Variants in GUK1 observed in about 807,000 individuals in gnomAD.
GUK1 encodes guanylate kinase 1.
In GUK1, 18 loss-of-function variants were observed where a neutral mutation model predicts 25.2. That is an observed-to-expected ratio of 0.71 (90% CI 0.49 to 1.06). GUK1 has a LOEUF of 1.06. GUK1 is among the 50% of genes least tolerant of loss of function. The pLI, the probability that GUK1 is intolerant of heterozygous loss-of-function variation, is 0.00. For missense variants in GUK1, 261 were observed against 276.7 expected, an observed-to-expected ratio of 0.94 and a Z score of 0.40; for synonymous variants, 105 against 117.6, an observed-to-expected ratio of 0.89 and a Z score of 0.69.
chr1:228,141,306 T>TCC, intron 2 of GUK1: 1 of 968,138 alleles, frequency 1.0e-6, no homozygotes, highest in Non-Finnish European at 1.2e-6. Context: ...AATGTTCCTG[T>TCC]CCCCCCCGGG....
At chr1:228,148,128 C>G (rs1358560401) in intron 7 of GUK1, 1 of 617,984 alleles carries the variant, frequency 1.6e-6, no homozygotes, top group African/African-American at 1.8e-5. Flanking sequence ...TAACCAGAGT[C>G]CTGATGGGTG....
intron 2 of GUK1, among the ~76,000 whole-genome samples, chr1:228,143,952 C>T (rs971940325): frequency 1.3e-5 from 2 of 152,136 alleles, no homozygotes; most frequent in South Asian, 2.1e-4. Context: ...TTCCCTTCCT[C>T]TTGAGTCTTT....
intron 2 of GUK1, chr1:228,141,479 C>T: frequency 2.7e-6 from 1 of 363,794 alleles, no homozygotes; most frequent in Non-Finnish European, 4.0e-6. Context: ...CCACCTGGCC[C>T]AGCCCAGAGC....
intron 2 of GUK1, among the ~76,000 whole-genome samples, chr1:228,141,992 C>T (rs914183034): frequency 6.6e-6 from 1 of 152,278 alleles, no homozygotes; most frequent in Admixed American, 6.5e-5. Flanking sequence ...GCAAAGGCTC[C>T]GTGGTTTCCA....
rs200265279 is a variant in GUK1, at chr1:228,145,627, G to A, written c.112+3G>A. The A allele has an allele frequency of 6.5e-5, 104 of 1,612,272 alleles. 1 individual carries two copies. The highest frequency in any genetic ancestry group is 1.7e-5 in the Non-Finnish European group (20 of 1,179,592). ...CATCTTTGGCTTCAGCGTGTCCCGT[G>A]AGTCCAGGGCTCTCGTGGAGGGGTG... On this transcript the variant is annotated splice_donor_region_variant and intron_variant, in intron 3 of 8. Transcript: ENST00000312726.
intron 2 of GUK1, among the ~76,000 whole-genome samples, chr1:228,142,319 A>T (rs1281086089): frequency 6.6e-6 from 1 of 151,784 alleles, no homozygotes; most frequent in Non-Finnish European, 1.5e-5. Context: ...AGTTCTTGGC[A>T]ATTGGTGTGT....
chr1:228,146,802 G>T, intron 4 of GUK1, 40 bp from the exon 4 acceptor site: 1 of 1,383,028 alleles, frequency 7.2e-7, no homozygotes, highest in South Asian at 1.2e-5. Flanking sequence ...CCCTGGTGCA[G>T]GTCCAGTCTG....
chr1:228,146,697 G>A, intron 4 of GUK1, 145 bp from the exon 4 acceptor site: 1 of 656,970 alleles, frequency 1.5e-6, no homozygotes, highest in Non-Finnish European at 2.8e-6. Flanking sequence ...GGGGTCCTCA[G>A]ATGTCTCCTG....
intron 2 of GUK1, chr1:228,141,649 A>G (rs978995751): frequency 1.6e-6 from 2 of 1,213,092 alleles, no homozygotes; most frequent in Non-Finnish European, 2.1e-6. Flanking sequence ...TGGAAGCCAG[A>G]AGGAGGAGAT....
chr1:228,144,716 C>G, intron 2 of GUK1: 1 of 985,336 alleles, frequency 1.0e-6, no homozygotes, highest in Non-Finnish European at 1.2e-6. Flanking sequence ...ACAGACCCAC[C>G]CCAGGCTGAC....
chr1:228,145,723 C>T (rs2034330430), intron 3 of GUK1, 99 bp downstream of exon 2: 2 of 1,404,328 alleles, frequency 1.4e-6, no homozygotes, highest in South Asian at 2.7e-5. Flanking sequence ...AACAGGCACA[C>T]CCACCCTGCA....
At position 228,144,747 on chromosome 1, in the gene GUK1, AAAC is replaced by A. The variant is rs1198477206; in HGVS notation, c.-2-762_-2-760del. 6.1e-6 allele frequency: 6 copies of A among 984,394 alleles called. No homozygotes were observed. The Admixed American group carries it at 3.7e-4, about 60-fold the overall frequency. The allele number at this position is 984,394 out of a possible 1,614,324, so 61.0% of individuals were successfully genotyped here. On this transcript the variant is annotated intron_variant, in intron 2 of 8. Transcript: ENST00000312726. ...CTGACTACAGAGGCTGCACCTCAGC[AAAC>A]AGGTAGGCCCTGTTCTTGGGGAGGA... is the stretch of plus-strand genomic sequence containing the variant.
chr1:228,145,721 C>T (rs1259592216), intron 3 of GUK1, 97 bp downstream of exon 2: 1 of 1,415,224 alleles, frequency 7.1e-7, no homozygotes, highest in Non-Finnish European at 9.6e-7. Flanking sequence ...CCAACAGGCA[C>T]ACCCACCCTG....
chr1:228,147,648 G>A lies in GUK1; in HGVS notation c.424G>A (p.Glu142Lys), dbSNP rs367791853. The A allele has an allele frequency of 5.8e-5, 93 of 1,612,914 alleles. 1 individual carries two copies. The highest frequency in any genetic ancestry group is 3.3e-5 in the South Asian group (3 of 91,080). Residue 142 changes from glutamate to lysine, a missense_variant, in exon 7 of 9, where the codon GAG (glutamate) becomes AAG (lysine). By Grantham distance (56) the Glu-to-Lys change is moderately conservative. Coordinates refer to ENST00000312726, the MANE Select transcript of GUK1 (RefSeq NM_000858.7). ...GCTGCGGCAGCGCAACACTGAAACC[G>A]AGGAGAGCCTGGTGAAGCGGCTGGC...
At chr1:228,140,509 CG>C (rs1017910223) in intron 1 of GUK1, 146 bp downstream of exon 1, 47 of 654,912 alleles carry the variant, frequency 7.2e-5, no homozygotes, top group Non-Finnish European at 1.1e-4. Context: ...GCCCTGAGAA[CG>C]GGGGAGCTCT....
At chr1:228,148,239 G>T in intron 7 of GUK1, 132 bp from the exon 7 acceptor site, 1 of 747,466 alleles carries the variant, frequency 1.3e-6, no homozygotes, top group Non-Finnish European at 2.4e-6. Context: ...CACAGGCCCG[G>T]CTGGGCTGGA....
chr1:228,143,771 C>T (rs1156790820), intron 2 of GUK1, among the ~76,000 whole-genome samples: 1 of 152,188 alleles, frequency 6.6e-6, no homozygotes, highest in African/African-American at 2.4e-5. Flanking sequence ...TGGGGAGGCC[C>T]GAGCTAAGCG....
chr1:228,146,763 C>T, intron 4 of GUK1, 79 bp from the exon 4 acceptor site: 1 of 900,914 alleles, frequency 1.1e-6, no homozygotes, highest in South Asian at 1.3e-5. Context: ...TGCAGGCATG[C>T]CTGGGTTGGG....
At chr1:228,148,166 T>A in intron 7 of GUK1, 1 of 662,116 alleles carries the variant, frequency 1.5e-6, no homozygotes. Context: ...GTTCTGGGGC[T>A]CCAGAGAGAG....
Sources: gnomAD v4.1 joint callset for allele counts (sites outside exome capture counted in the v4.1 genomes callset) on GRCh38, gnomAD v4.1.1 for gene constraint, MANE v1.5 for transcripts, NCBI Gene and HGNC (gene_info 2026-07-23, HGNC 2026-07-21) for gene names.